The following PTBP3 variants were observed in gnomAD, a reference collection of about 807,000 sequenced individuals.
PTBP3 encodes polypyrimidine tract-binding protein 3.
A neutral mutation model predicts 58.7 loss-of-function variants in PTBP3; 20 were observed. That is an observed-to-expected ratio of 0.34 (90% CI 0.24 to 0.50). PTBP3 has a LOEUF of 0.50. Ranked by LOEUF, PTBP3 falls within the 20% of genes least tolerant of loss-of-function variation. PTBP3 has a pLI of 0.98. For missense variants in PTBP3, 509 were observed against 637.2 expected, an observed-to-expected ratio of 0.80 and a Z score of 2.17; for synonymous variants, 185 against 219.8, an observed-to-expected ratio of 0.84 and a Z score of 1.40.
At chr9:112,326,533 T>C (rs1830163785) in intron 1 of PTBP3, among the ~76,000 whole-genome samples, 2 of 152,222 alleles carry the variant, frequency 1.3e-5, no homozygotes, top group African/African-American at 2.4e-5. Flanking sequence ...AAATATGCTA[T>C]ATTGTTCTCT....
At chr9:112,300,483 TG>T (rs1466702649) in intron 1 of PTBP3, among the ~76,000 whole-genome samples, 1 of 152,270 alleles carries the variant, frequency 6.6e-6, no homozygotes, top group Non-Finnish European at 1.5e-5. Flanking sequence ...CCGGGCGTGG[TG>T]GCTCACGCCT....
At chr9:112,378,419 G>C in the PTBP3 span, among the ~76,000 whole-genome samples, 311 of 152,214 alleles carry the variant, frequency 2.0e-3, 1 homozygote, top group African/African-American at 7.3e-3. Flanking sequence ...CTCTCTTTCC[G>C]TAACAAATGG....
chr9:112,255,301 T>C (rs1480430404), intron 5 of PTBP3, among the ~76,000 whole-genome samples: 2 of 152,274 alleles, frequency 1.3e-5, no homozygotes, highest in East Asian at 3.9e-4. Flanking sequence ...TGGTGATGGT[T>C]GAAAAACAAT....
chr9:112,335,634 G>T, upstream of PTBP3, among the ~76,000 whole-genome samples: 1 of 122,852 alleles, frequency 8.1e-6, no homozygotes, highest in Non-Finnish European at 1.7e-5. Context: ...TAAAAATCCT[G>T]GATTATAGCT....
At chr9:112,313,131 A>G (rs1056100473) in intron 1 of PTBP3, among the ~76,000 whole-genome samples, 1 of 152,202 alleles carries the variant, frequency 6.6e-6, no homozygotes, top group Non-Finnish European at 1.5e-5. Flanking sequence ...ACATGATCAT[A>G]TAAGAAAGTC....
In PTBP3 at chr9:112,320,127, A is replaced by C. The variant is rs571748388; in HGVS notation, c.-52+13343T>G. ...GTGACTATATACTTCAGTTTTTAAA[A>C]TTAGCTGGGCATGGTGGCATGCACC... On this transcript the variant is annotated intron_variant, in intron 1 of 13. Transcript: ENST00000374257. Among the ~76,000 whole-genome samples the C allele has an allele frequency of 2.6e-5, 4 of 151,780 alleles. No homozygotes were observed. In the South Asian group the frequency reaches 8.3e-4, roughly 32 times the overall value.
At position 112,284,690 on chromosome 9, in the gene PTBP3, C is replaced by T. The variant is rs117291005; in HGVS notation, c.35-8677G>A. On this transcript the variant is annotated intron_variant, in intron 2 of 13. Transcript: ENST00000374257. ...CAGCCTGGGCAACAGAGCAAGAATC[C>T]GTCTCAAAAAACAAAACAGAAAACA... Among the ~76,000 whole-genome samples, 720 of 152,068 alleles carry T rather than the reference C, an allele frequency of 4.7e-3. 5 individuals are homozygous for T. Among genetic ancestry groups the T allele is most frequent in the Middle Eastern group, 0.017 (5 of 294 alleles).
chr9:112,327,659 A>G (rs1456621610), intron 1 of PTBP3, among the ~76,000 whole-genome samples: 1 of 152,216 alleles, frequency 6.6e-6, no homozygotes, highest in Non-Finnish European at 1.5e-5. Flanking sequence ...TTGTAACACC[A>G]CAAATAACAT....
At chr9:112,254,746 A>G (rs1836276946) in intron 5 of PTBP3, among the ~76,000 whole-genome samples, 1 of 152,220 alleles carries the variant, frequency 6.6e-6, no homozygotes, top group Non-Finnish European at 1.5e-5. Flanking sequence ...TATGAAGAAA[A>G]TGCAACCCCT....
chr9:112,233,043 A>G (rs1835303788), intron 8 of PTBP3, among the ~76,000 whole-genome samples: 1 of 151,996 alleles, frequency 6.6e-6, no homozygotes, highest in Admixed American at 6.6e-5. Flanking sequence ...TTTTACATTC[A>G]GCCTATTCTG....
At chr9:112,235,896 T>A (rs886485597) in intron 7 of PTBP3, among the ~76,000 whole-genome samples, 1 of 152,028 alleles carries the variant, frequency 6.6e-6, no homozygotes, top group Non-Finnish European at 1.5e-5. Flanking sequence ...GGAATTATAG[T>A]ACCTCAGAAT....
chr9:112,217,917 G>C (rs969196918), downstream of PTBP3: 4 of 152,182 alleles, frequency 2.6e-5, no homozygotes, highest in African/African-American at 9.7e-5. Flanking sequence ...TAAAACGTTT[G>C]TCTAAGGAAA....
At chr9:112,230,787 C>T (rs1835168888) in intron 10 of PTBP3, among the ~76,000 whole-genome samples, 1 of 152,144 alleles carries the variant, frequency 6.6e-6, no homozygotes, top group East Asian at 1.9e-4. Flanking sequence ...GTAAATATTG[C>T]TTATTTCATT....
chr9:112,348,582 C>T, the PTBP3 span, among the ~76,000 whole-genome samples: 1 of 152,222 alleles, frequency 6.6e-6, no homozygotes, highest in Admixed American at 6.5e-5. Flanking sequence ...AAGGAAGAAT[C>T]GGGAGAGCGG....
At chr9:112,356,581 C>A in the PTBP3 span, among the ~76,000 whole-genome samples, 44 of 145,980 alleles carry the variant, frequency 3.0e-4, no homozygotes, top group Admixed American at 2.7e-4. Flanking sequence ...AGCAACAGAG[C>A]AAAAAAAAAA....
At chr9:112,263,438 T>A (rs1267923611) in intron 4 of PTBP3, among the ~76,000 whole-genome samples, 1 of 152,102 alleles carries the variant, frequency 6.6e-6, no homozygotes, top group Non-Finnish European at 1.5e-5. Flanking sequence ...ACACAACAAA[T>A]GGAAATTTTA....
At chr9:112,295,392 G>C (rs530927787) in intron 2 of PTBP3, among the ~76,000 whole-genome samples, 3 of 146,508 alleles carry the variant, frequency 2.0e-5, no homozygotes, top group South Asian at 2.2e-4. Context: ...TAAGAAGCTG[G>C]AACACCCACA....
At chr9:112,361,190 G>A in the PTBP3 span, among the ~76,000 whole-genome samples, 1 of 152,058 alleles carries the variant, frequency 6.6e-6, no homozygotes, top group East Asian at 1.9e-4. Context: ...TCTGCCTCCT[G>A]GGTTCAAATG....
chr9:112,376,155 G>GTATATATATA, the PTBP3 span, among the ~76,000 whole-genome samples: 1 of 58,502 alleles, frequency 1.7e-5, no homozygotes, highest in Non-Finnish European at 3.2e-5. Flanking sequence ...GTTCTCTAGA[G>GTATATATATA]GATATATATA....
Sources: gnomAD v4.1 joint callset for allele counts (sites outside exome capture counted in the v4.1 genomes callset) on GRCh38, gnomAD v4.1.1 for gene constraint, MANE v1.5 for transcripts, NCBI Gene and HGNC (gene_info 2026-07-23, HGNC 2026-07-21) for gene names.